EIF4ENIF1: variants seen among roughly 807,000 people sequenced by gnomAD.
The protein encoded by EIF4ENIF1 is eukaryotic translation initiation factor 4E nuclear import factor 1.
In EIF4ENIF1, 23 loss-of-function variants were observed where a neutral mutation model predicts 110.5. The ratio of observed to expected loss-of-function variants is 0.21; its 90% confidence interval spans 0.15 to 0.29. EIF4ENIF1 has a LOEUF of 0.29. EIF4ENIF1 is among the 10% of genes least tolerant of loss of function. The probability of loss-of-function intolerance (pLI) is 1.00; values close to 1 mark genes in which losing one functional copy is unlikely to be tolerated. For missense variants in EIF4ENIF1, 1,031 were observed against 1,221.1 expected (o/e 0.84, Z 2.32); for synonymous variants, 440 against 437.0 (o/e 1.01, Z -0.09).
chr22:31,455,063 T>C (rs1314607270), intron 9 of EIF4ENIF1, 73 bp downstream of exon 9: 2 of 1,338,072 alleles, frequency 1.5e-6, no homozygotes, highest in Non-Finnish European at 1.0e-6. Flanking sequence ...GAGGTTATGT[T>C]AGACCCAACT....
In EIF4ENIF1 at chr22:31,463,094, T is replaced by C; in HGVS notation, c.625A>G (p.Arg209Gly). The change falls in exon 6 of 19, where the codon AGA (arginine) becomes GGA (glycine). Residue 209 changes from arginine (R) to glycine (G), a missense_variant. This residue lies in a region of EIF4ENIF1 where 704 missense variants were observed against 879.7 expected (regional missense o/e 0.80). Transcript: ENST00000330125. Reference protein sequence around the residue: ...GDSKRVFGERRRNDSYTEEEP... With the variant: ...GDSKRVFGERGRNDSYTEEEP... ...TCTTCTGTGTAAGAATCATTTCTTC[T>C]ACGCTCACCAAAGACACGCTTACTA... 1 of 1,614,142 alleles carries C rather than the reference T, an allele frequency of 6.2e-7. No individual in the cohort carries two copies. The highest frequency in any genetic ancestry group is 8.5e-7 in the Non-Finnish European group (1 of 1,179,988).
intron 2 of EIF4ENIF1, among the ~76,000 whole-genome samples, chr22:31,481,494 T>C (rs753017688): frequency 2.0e-5 from 3 of 152,202 alleles, no homozygotes; most frequent in Admixed American, 6.5e-5. Flanking sequence ...AAGAAGTTTA[T>C]ACCTAAATTT....
At chr22:31,448,012 G>A in intron 13 of EIF4ENIF1, 141 bp downstream of exon 13, 1 of 902,178 alleles carries the variant, frequency 1.1e-6, no homozygotes, top group South Asian at 1.6e-5. Flanking sequence ...ACCTCCCAAA[G>A]TGCTGGGATT....
intron 2 of EIF4ENIF1, among the ~76,000 whole-genome samples, chr22:31,478,879 G>A (rs984829229): frequency 1.1e-4 from 16 of 150,938 alleles, no homozygotes; most frequent in African/African-American, 3.7e-4. Context: ...GTGAACCCGG[G>A]AGGCGGAGCT....
At position 31,441,055 on chromosome 22, in the gene EIF4ENIF1, G is replaced by A. The variant is rs548574218; in HGVS notation, c.2552-187C>T. On this transcript the variant is annotated intron_variant, in intron 17 of 18. Transcript: ENST00000330125. ...GCGGACCACGAGGTCAGGAGTTCGA[G>A]ACCAGTATGGCCAACATGGTGAAAC... Among the ~76,000 whole-genome samples the A allele has an allele frequency of 2.0e-5, 3 of 152,244 alleles. No homozygotes were observed. In the East Asian group the frequency reaches 5.8e-4, roughly 29 times the overall value.
chr22:31,449,287 G>A lies in EIF4ENIF1; in HGVS notation c.1768+61C>T, dbSNP rs2050575421. On this transcript the variant is annotated intron_variant, in intron 12 of 18. Transcript: ENST00000330125. ...GGCCTCCCAGAGTGCTGGAATTACA[G>A]GCATGAGCTACCGTGCCTGGCCATA... 3.9e-6 allele frequency: 6 copies of A among 1,551,738 alleles called. No homozygotes were observed. The South Asian group carries it at 7.2e-5, about 19-fold the overall frequency.
At chr22:31,489,565 C>T (rs913056067) in intron 1 of EIF4ENIF1, 129 bp downstream of exon 1, 2 of 148,976 alleles carry the variant, frequency 1.3e-5, no homozygotes, top group South Asian at 2.1e-4. Context: ...CTGCCCACCC[C>T]CTGCGGGCGC....
At chr22:31,467,029 G>A (rs1449896099) in intron 4 of EIF4ENIF1, among the ~76,000 whole-genome samples, 2 of 152,194 alleles carry the variant, frequency 1.3e-5, no homozygotes, top group Non-Finnish European at 2.9e-5. Context: ...GAGTCAGTAC[G>A]TCATGAACAT....
In EIF4ENIF1 at chr22:31,440,000, G is replaced by C. The variant is rs1285999997; in HGVS notation, c.2838C>G (p.Ser946Arg). Residue 946 changes from serine to arginine, a missense_variant, in exon 19 of 19, where the codon AGC (serine) becomes AGG (arginine). Physicochemically the swap from Ser to Arg is moderately radical, Grantham distance 110. Around this residue, in one of 3 missense-constraint regions of EIF4ENIF1, gnomAD observed 309 missense variants for 299.1 expected, o/e 1.03. Transcript: ENST00000330125. ...HMHSQLEHRP[S>R]QRSSSPVGLA... ...GGCCCACAGGGGAGCTGCTCCTCTG[G>C]CTGGGGCGATGCTCCAGCTGGGAGT... 1.9e-6 allele frequency: 3 copies of C among 1,613,888 alleles called. No homozygotes were observed. Among genetic ancestry groups the C allele is most frequent in the Non-Finnish European group, 2.5e-6 (3 of 1,179,948 alleles).
intron 3 of EIF4ENIF1, among the ~76,000 whole-genome samples, chr22:31,470,682 G>A (rs895331030): frequency 9.4e-5 from 14 of 148,452 alleles, no homozygotes; most frequent in Non-Finnish European, 1.8e-4. Flanking sequence ...TGGTTAAATA[G>A]GACTTTTTTT....
intron 2 of EIF4ENIF1, among the ~76,000 whole-genome samples, chr22:31,474,359 C>G (rs954254731): frequency 2.0e-5 from 3 of 152,322 alleles, no homozygotes; most frequent in Middle Eastern, 3.4e-3. Flanking sequence ...CCGTGCCCGG[C>G]TGACTCCTGG....
At chr22:31,456,546 G>A (rs921356971) in intron 7 of EIF4ENIF1, among the ~76,000 whole-genome samples, 7 of 150,620 alleles carry the variant, frequency 4.6e-5, no homozygotes, top group African/African-American at 9.8e-5. Flanking sequence ...AGACAGTCTC[G>A]CTCTGTTGCC....
chr22:31,463,163 A>T, intron 5 of EIF4ENIF1, 30 bp from the exon 6 acceptor site: 1 of 1,604,392 alleles, frequency 6.2e-7, no homozygotes, highest in Non-Finnish European at 8.5e-7. Flanking sequence ...AAGATTAAAA[A>T]ATTTCTAGTC....
In EIF4ENIF1 at chr22:31,488,609, G is replaced by C. The variant is rs1286286890; in HGVS notation, c.96+14C>G. On this transcript the variant is annotated intron_variant, in intron 2 of 18. Transcript: ENST00000330125. Reference sequence around the variant, plus strand: ...CCTAAAAAGAAACACTATTTCATTAGTGGCAAACCTTACTTTTGTATAGCG... The same window carrying C: ...CCTAAAAAGAAACACTATTTCATTACTGGCAAACCTTACTTTTGTATAGCG... 6.2e-7 allele frequency: 1 copy of C among 1,614,052 alleles called. No individual in the cohort carries two copies. The highest frequency in any genetic ancestry group is 8.5e-7 in the Non-Finnish European group (1 of 1,180,024).
In EIF4ENIF1 at chr22:31,463,942, ATCT is replaced by A; in HGVS notation, c.321_323del (p.Glu107del). ...GAGGGCTGAGAACAACATCTAAGTC[ATCT>A]TCTTTCACACGCTCTCGTGGATCTG... On this transcript the variant is annotated inframe_deletion, in exon 5 of 19. Coordinates refer to ENST00000330125, the MANE Select transcript of EIF4ENIF1 (RefSeq NM_019843.4). 1 of 1,613,490 alleles carries A rather than the reference ATCT, an allele frequency of 6.2e-7. No individual in the cohort carries two copies. Among genetic ancestry groups the A allele is most frequent in the Non-Finnish European group, 8.5e-7 (1 of 1,179,780 alleles).
chr22:31,441,948 G>A lies in EIF4ENIF1; in HGVS notation c.2377C>T (p.Pro793Ser), dbSNP rs1357109259. 1 of 1,614,200 alleles carries A rather than the reference G, an allele frequency of 6.2e-7. No homozygotes were observed. ...YRPKATGRKTPTLASPVPTTP... is the reference protein window; with the variant it reads ...YRPKATGRKTSTLASPVPTTP... ...GTAGGAACTGGGGATGCCAAGGTGG[G>A]TGTTTTTCTCCCAGTTGCTTTAGGT... Residue 793 changes from proline to serine, a missense_variant, in exon 17 of 19, where the codon CCC becomes TCC. Coordinates refer to ENST00000330125, the MANE Select transcript of EIF4ENIF1 (RefSeq NM_019843.4).
At chr22:31,488,477 A>T in intron 2 of EIF4ENIF1, 146 bp downstream of exon 2, 1 of 1,272,180 alleles carries the variant, frequency 7.9e-7, no homozygotes, top group Non-Finnish European at 1.1e-6. Flanking sequence ...AAATGTTCAA[A>T]GTAATGCACT....
rs2050583755 is a variant in EIF4ENIF1, at chr22:31,449,522, C to A, written c.1594G>T (p.Gly532Cys). ...GAAGCAGGTCTCTGAACTGGTTGACCCAGAAGTTCCTAAAGGCAGAAAAGC... is the reference window on the plus strand; with the variant it reads ...GAAGCAGGTCTCTGAACTGGTTGACACAGAAGTTCCTAAAGGCAGAAAAGC... ...VPKNILQELL[G>C]QPVQRPASSN... is the part of the protein sequence containing the mutation. The change falls in exon 12 of 19, where the codon GGT becomes TGT. Residue 532 changes from glycine (G) to cysteine (C), a missense_variant. Physicochemically the swap from Gly to Cys is radical, Grantham distance 159. Transcript: ENST00000330125. 1.2e-6 allele frequency: 2 copies of A among 1,610,856 alleles called. No homozygotes were observed. The highest frequency in any genetic ancestry group is 1.7e-6 in the Non-Finnish European group (2 of 1,179,090).
At chr22:31,472,509 T>C (rs2051416225) in intron 2 of EIF4ENIF1, among the ~76,000 whole-genome samples, 1 of 152,208 alleles carries the variant, frequency 6.6e-6, no homozygotes, top group Non-Finnish European at 1.5e-5. Context: ...CCTCAGGCGA[T>C]CTGCCCGCCT....
Sources: allele counts gnomAD v4.1 joint callset (sites outside exome capture counted in the v4.1 genomes callset), GRCh38; gene constraint gnomAD v4.1.1; regional missense constraint gnomAD v4.1.1; transcripts MANE v1.5; gene names NCBI Gene and HGNC (gene_info 2026-07-23, HGNC 2026-07-21).